Variants in ERI3 observed in about 807,000 individuals in gnomAD.
ERI3 encodes ERI1 exoribonuclease 3.
Under a neutral mutation model 44.4 loss-of-function variants are expected in ERI3, and 18 were observed. That is an observed-to-expected ratio of 0.41 (90% confidence interval 0.28 to 0.60). The LOEUF (loss-of-function observed/expected upper bound fraction) is 0.60. Among genes scored for constraint, ERI3 ranks in the 20% least tolerant of loss-of-function variants. The pLI is 0.36. For missense variants in ERI3, 294 were observed against 435.5 expected (o/e 0.68, Z 2.89); for synonymous variants, 183 against 164.8 (o/e 1.11, Z -0.84).
intron 7 of ERI3, chr1:44,284,152 C>A (rs778725094): frequency 8.8e-6 from 4 of 453,240 alleles, no homozygotes; most frequent in Non-Finnish European, 1.8e-5. Context: ...AGCAGGGATA[C>A]TCTGCTAGGA....
intron 6 of ERI3, among the ~76,000 whole-genome samples, chr1:44,306,421 G>A (rs6697117): frequency 0.05 from 7,547 of 152,274 alleles, 573 homozygotes; most frequent in African/African-American, 0.16. Context: ...GATGCGGTAA[G>A]GTATGCGCTC....
rs146660788 is a variant in ERI3, at chr1:44,235,533, T to C, written c.931+12406A>G. 2.1e-3 allele frequency among the ~76,000 whole-genome samples: 313 copies of C among 151,992 alleles called. 2 individuals are homozygous for C. The highest frequency in any genetic ancestry group is 7.1e-3 in the African/African-American group (295 of 41,422). On this transcript the variant is annotated intron_variant, in intron 8 of 8. Coordinates refer to ENST00000372257, the MANE Select transcript of ERI3 (RefSeq NM_024066.3). This position sits in a 1 kb window ranked among gnomAD's most constrained non-coding sequence, Gnocchi z 4.6. ...TCCACAGAGACACTCAAGAAATACA[T>C]ACTGAAAAGAAGGAAGGAAGGACTA...
chr1:44,246,587 G>C (rs977647388), intron 8 of ERI3, among the ~76,000 whole-genome samples: 1 of 152,208 alleles, frequency 6.6e-6, no homozygotes, highest in Non-Finnish European at 1.5e-5. Flanking sequence ...CCTGGGGTGA[G>C]ATGCCCCCAT....
intron 3 of ERI3, among the ~76,000 whole-genome samples, chr1:44,327,668 G>A (rs1394110248): frequency 6.6e-6 from 1 of 152,162 alleles, no homozygotes; most frequent in African/African-American, 2.4e-5. Context: ...ATGCTCTACT[G>A]ATTCTCATCA....
intron 4 of ERI3, among the ~76,000 whole-genome samples, chr1:44,313,775 C>G (rs1178062782): frequency 6.6e-6 from 1 of 152,128 alleles, no homozygotes; most frequent in Non-Finnish European, 1.5e-5. Flanking sequence ...CCCACAGGCT[C>G]CTATCCTTCA....
intron 4 of ERI3, among the ~76,000 whole-genome samples, chr1:44,315,183 T>C (rs1646060821): frequency 6.6e-6 from 1 of 152,196 alleles, no homozygotes; most frequent in Non-Finnish European, 1.5e-5. Context: ...GTTAGTCTTG[T>C]GTCTGGTCTG....
At chr1:44,313,036 G>C in intron 5 of ERI3, 133 bp downstream of exon 5, 1 of 779,430 alleles carries the variant, frequency 1.3e-6, no homozygotes, top group Non-Finnish European at 2.2e-6. Context: ...GCATGTCACT[G>C]ATGTGACAGC....
chr1:44,272,724 C>T (rs1645110494), intron 7 of ERI3, among the ~76,000 whole-genome samples: 1 of 151,966 alleles, frequency 6.6e-6, no homozygotes, highest in Admixed American at 6.6e-5. Context: ...CCCTGTAATC[C>T]CAGCTACTCT....
intron 3 of ERI3, among the ~76,000 whole-genome samples, chr1:44,324,804 A>G (rs1646275321): frequency 6.6e-6 from 1 of 152,084 alleles, no homozygotes; most frequent in South Asian, 2.1e-4. Context: ...CAATGCTAAC[A>G]CTGAAACACC....
intron 2 of ERI3, among the ~76,000 whole-genome samples, chr1:44,344,724 T>C (rs1434783837): frequency 1.3e-5 from 2 of 152,262 alleles, no homozygotes; most frequent in Non-Finnish European, 2.9e-5. Context: ...TGATTCTGCC[T>C]ATTTCTGCAA....
chr1:44,238,276 G>T (rs932373845), intron 8 of ERI3, among the ~76,000 whole-genome samples: 8 of 152,058 alleles, frequency 5.3e-5, no homozygotes, highest in Non-Finnish European at 8.8e-5. Context: ...AGGATGTTGT[G>T]GGGGAGACAG....
intron 8 of ERI3, chr1:44,243,513 C>T (rs1475407080): frequency 6.6e-6 from 1 of 152,190 alleles, no homozygotes; most frequent in African/African-American, 2.4e-5. Context: ...ATAATAGGGC[C>T]CAAGTGTGTG....
chr1:44,253,404 G>A (rs1644721606), intron 7 of ERI3, among the ~76,000 whole-genome samples: 1 of 152,208 alleles, frequency 6.6e-6, no homozygotes, highest in Admixed American at 6.5e-5. Flanking sequence ...GCTACCTCCA[G>A]ATATTCTTGG....
At chr1:44,288,294 A>G (rs888848883) in intron 6 of ERI3, among the ~76,000 whole-genome samples, 3 of 152,150 alleles carry the variant, frequency 2.0e-5, no homozygotes, top group South Asian at 2.1e-4. Context: ...GCAGGTACAC[A>G]TGCAGTTTGT....
At chr1:44,337,692 A>G (rs1646562567) in intron 3 of ERI3, among the ~76,000 whole-genome samples, 1 of 152,192 alleles carries the variant, frequency 6.6e-6, no homozygotes, top group Non-Finnish European at 1.5e-5. Flanking sequence ...AGGAGAGGAG[A>G]AAGGGAACAC....
At chr1:44,331,433 C>G (rs1414057861) in intron 3 of ERI3, among the ~76,000 whole-genome samples, 8 of 152,098 alleles carry the variant, frequency 5.3e-5, no homozygotes, top group Admixed American at 3.3e-4. Context: ...GATAATGCCT[C>G]AGAGCCTTAG....
At chr1:44,312,546 C>A (rs1023074061) in intron 5 of ERI3, among the ~76,000 whole-genome samples, 2 of 152,182 alleles carry the variant, frequency 1.3e-5, no homozygotes, top group Admixed American at 1.3e-4. Context: ...GTGGTCTCTG[C>A]CAAGGGTTTT....
At position 44,221,171 on chromosome 1, in the gene ERI3, T is replaced by G. The variant is rs940022030; in HGVS notation, c.*387A>C. ...ACACAAGGTGGGGCCTGATCTGTCC[T>G]GGAGCCCTGGGGGCACCACACACCA... On this transcript the variant is annotated 3_prime_UTR_variant, in exon 9 of 9. Transcript: ENST00000372257. This position sits in a 1 kb window ranked among gnomAD's most constrained non-coding sequence, Gnocchi z 5.9. The G allele has an allele frequency of 9.8e-5, 30 of 305,202 alleles. No homozygotes were observed. Among genetic ancestry groups the G allele is most frequent in the Non-Finnish European group, 1.6e-4 (25 of 160,146 alleles). 18.9% of individuals were successfully genotyped at this position (305,202 alleles called of 1,614,324 possible). A position where few individuals can be genotyped will look rare whatever the true frequency, so the allele number is the denominator to read the frequency against.
intron 7 of ERI3, among the ~76,000 whole-genome samples, chr1:44,281,345 T>C (rs1645278712): frequency 6.6e-6 from 1 of 152,020 alleles, no homozygotes; most frequent in Non-Finnish European, 1.5e-5. Flanking sequence ...CCTAGCACTT[T>C]GGGAGGCTGA....
Sources: allele counts gnomAD v4.1 joint callset (sites outside exome capture counted in the v4.1 genomes callset), GRCh38; gene constraint gnomAD v4.1.1; non-coding constraint Gnocchi (gnomAD v3.1); transcripts MANE v1.5; gene names NCBI Gene and HGNC (gene_info 2026-07-23, HGNC 2026-07-21).